The following KCNJ6 variants were observed in gnomAD, a reference collection of about 807,000 sequenced individuals.
The protein encoded by KCNJ6 is potassium inwardly rectifying channel subfamily J member 6, also known as G protein-activated inward rectifier potassium channel 2.
In KCNJ6, 9 loss-of-function variants were observed where a neutral mutation model predicts 34.2. That is an observed-to-expected ratio of 0.26 (90% CI 0.16 to 0.46). KCNJ6 has a LOEUF of 0.46. Ranked by LOEUF, KCNJ6 falls within the 20% of genes least tolerant of loss-of-function variation. The pLI, the probability that KCNJ6 is intolerant of heterozygous loss-of-function variation, is 1.00. For missense variants in KCNJ6, 236 were observed against 531.3 expected (o/e 0.44, Z 5.46); for synonymous variants, 196 against 207.1 (o/e 0.95, Z 0.46).
At chr21:37,731,113 G>GTGTGTA (rs1298947224) in intron 2 of KCNJ6, among the ~76,000 whole-genome samples, 2 of 131,870 alleles carry the variant, frequency 1.5e-5, no homozygotes, top group Non-Finnish European at 3.4e-5. Flanking sequence ...GTGTGTGTGT[G>GTGTGTA]TGTGTGTGTG....
intron 2 of KCNJ6, among the ~76,000 whole-genome samples, chr21:37,729,234 G>A (rs1171768407): frequency 1.3e-5 from 2 of 152,096 alleles, no homozygotes; most frequent in East Asian, 1.9e-4. Context: ...CATATGGCTG[G>A]GTAAAATGTG....
chr21:37,811,028 C>T (rs1389684640), intron 2 of KCNJ6, among the ~76,000 whole-genome samples: 5 of 152,152 alleles, frequency 3.3e-5, no homozygotes, highest in Admixed American at 6.5e-5. Context: ...CAGCCCTAAC[C>T]CATCCATCCT....
intron 3 of KCNJ6, among the ~76,000 whole-genome samples, chr21:37,655,251 GA>G (rs2054457703): frequency 7.4e-6 from 1 of 135,028 alleles, no homozygotes; most frequent in African/African-American, 3.0e-5. Context: ...GAGAGAGAGA[GA>G]GAGAGAGAGA....
chr21:37,770,726 A>G (rs1568842491), intron 2 of KCNJ6, among the ~76,000 whole-genome samples: 1 of 152,214 alleles, frequency 6.6e-6, no homozygotes, highest in Non-Finnish European at 1.5e-5. Flanking sequence ...GTCATGGAAG[A>G]AGGTAGTTAC....
chr21:37,725,424 CTG>C (rs1453005524), intron 2 of KCNJ6, among the ~76,000 whole-genome samples: 3 of 152,092 alleles, frequency 2.0e-5, no homozygotes, highest in African/African-American at 7.2e-5. Context: ...TATAAAAAGA[CTG>C]TCCATCCATG....
intron 3 of KCNJ6, among the ~76,000 whole-genome samples, chr21:37,712,067 C>G (rs981746544): frequency 6.6e-6 from 1 of 152,256 alleles, no homozygotes; most frequent in Non-Finnish European, 1.5e-5. Context: ...AATTCTGACT[C>G]AGGGACATCA....
chr21:37,700,911 C>A (rs1028842346), intron 3 of KCNJ6, among the ~76,000 whole-genome samples: 4 of 152,154 alleles, frequency 2.6e-5, no homozygotes, highest in African/African-American at 9.7e-5. Flanking sequence ...ATGGGAATAG[C>A]TGGGCTGTGG....
intron 3 of KCNJ6, among the ~76,000 whole-genome samples, chr21:37,666,334 G>A (rs918932156): frequency 6.6e-6 from 1 of 152,132 alleles, no homozygotes; most frequent in African/African-American, 2.4e-5. Flanking sequence ...TGACTCTCAC[G>A]GTTTGGACTG....
chr21:37,883,589 C>T (rs973004013), intron 1 of KCNJ6, among the ~76,000 whole-genome samples: 14 of 152,276 alleles, frequency 9.2e-5, no homozygotes, highest in African/African-American at 3.4e-4. Flanking sequence ...GGCTTCTCTG[C>T]CTGGGGGAAG....
At chr21:37,847,024 C>A (rs907461866) in intron 1 of KCNJ6, among the ~76,000 whole-genome samples, 2 of 151,958 alleles carry the variant, frequency 1.3e-5, no homozygotes, top group African/African-American at 4.8e-5. Flanking sequence ...TGAGTTGCTG[C>A]CGAAAAATAT....
At chr21:37,754,615 C>T (rs1295662294) in intron 2 of KCNJ6, among the ~76,000 whole-genome samples, 1 of 152,206 alleles carries the variant, frequency 6.6e-6, no homozygotes, top group Non-Finnish European at 1.5e-5. Flanking sequence ...CCTCAATGGA[C>T]TTACCTGTAA....
At chr21:37,826,980 G>A (rs1308553486) in intron 2 of KCNJ6, among the ~76,000 whole-genome samples, 2 of 152,150 alleles carry the variant, frequency 1.3e-5, no homozygotes, top group Non-Finnish European at 2.9e-5. Flanking sequence ...CTGGGATGTG[G>A]GGACTCAGCG....
chr21:37,777,826 G>A lies in KCNJ6; in HGVS notation c.26-62695C>T, dbSNP rs920769009. Among the ~76,000 whole-genome samples, 3 of 152,312 alleles carry A rather than the reference G, an allele frequency of 2.0e-5. No individual in the cohort carries two copies. In the East Asian group the frequency reaches 5.8e-4, roughly 29 times the overall value. ...TCCCAGTACCTGTTAATAGAAAAAGGTGCTTTGTGCGTGCTTGGGAAAGAA... is the reference window on the plus strand; with the variant it reads ...TCCCAGTACCTGTTAATAGAAAAAGATGCTTTGTGCGTGCTTGGGAAAGAA... On this transcript the variant is annotated intron_variant, in intron 2 of 3. Transcript: ENST00000609713.
chr21:37,778,520 T>A (rs537566322), intron 2 of KCNJ6, among the ~76,000 whole-genome samples: 1 of 152,336 alleles, frequency 6.6e-6, no homozygotes, highest in African/African-American at 2.4e-5. Flanking sequence ...CTTACATATT[T>A]CAGCAGCAGC....
intron 1 of KCNJ6, among the ~76,000 whole-genome samples, chr21:37,914,091 A>C (rs565589276): frequency 6.7e-6 from 1 of 149,274 alleles, no homozygotes; most frequent in East Asian, 2.0e-4. Context: ...TGAGGACAGA[A>C]TCCTGTCTCC....
Position 37,612,949 on chromosome 21 carries a change from G to A in KCNJ6, c.*12210C>T, listed in dbSNP as rs951109618. ...GAAGTAAATGATAAGCTGAACTTCA[G>A]TAAAATTAAAAGCGTCTGCTCTGAA... On this transcript the variant is annotated 3_prime_UTR_variant, in exon 4 of 4. Transcript: ENST00000609713. The A allele has an allele frequency of 2.6e-5, 4 of 152,108 alleles. No individual in the cohort carries two copies. Among genetic ancestry groups the A allele is most frequent in the African/African-American group, 7.2e-5 (3 of 41,426 alleles). The allele number at this position is 152,108 out of a possible 1,614,324, so 9.4% of individuals were successfully genotyped here. A position where few individuals can be genotyped will look rare whatever the true frequency, so the allele number is the denominator to read the frequency against.
chr21:37,761,431 TTGTG>T (rs886409211), intron 2 of KCNJ6, among the ~76,000 whole-genome samples: 108 of 151,004 alleles, frequency 7.2e-4, no homozygotes, highest in Middle Eastern at 3.4e-3. Flanking sequence ...GTGTGTTGTG[TTGTG>T]TGTGTATATT....
chr21:37,913,397 ACTGGCTCTCAT>A (rs1555855466), intron 1 of KCNJ6, among the ~76,000 whole-genome samples: 1 of 152,192 alleles, frequency 6.6e-6, no homozygotes, highest in Non-Finnish European at 1.5e-5. Context: ...AGATGTGATC[ACTGGCTCTCAT>A]CTTGCTAACA....
chr21:37,817,744 C>G (rs1325525641), intron 2 of KCNJ6, among the ~76,000 whole-genome samples: 2 of 152,182 alleles, frequency 1.3e-5, no homozygotes, highest in African/African-American at 4.8e-5. Flanking sequence ...ATATGATTTG[C>G]TGATGCACAC....
Sources: gnomAD v4.1 joint callset for allele counts (sites outside exome capture counted in the v4.1 genomes callset) on GRCh38, gnomAD v4.1.1 for gene constraint, MANE v1.5 for transcripts, NCBI Gene and HGNC (gene_info 2026-07-23, HGNC 2026-07-21) for gene names.